The following NRXN3 variants were observed in gnomAD, a reference collection of about 807,000 sequenced individuals.
NRXN3 encodes the protein neurexin 3.
In NRXN3, 32 loss-of-function variants were observed where a neutral mutation model predicts 137.6. The observed-to-expected ratio is 0.23, with a 90% confidence interval of 0.18 to 0.31. The LOEUF is 0.31. NRXN3 is among the 10% of genes least tolerant of loss of function. The pLI is 1.00. For missense variants in NRXN3, 1,574 were observed against 2,062.5 expected (o/e 0.76, Z 4.59); for synonymous variants, 798 against 784.5 (o/e 1.02, Z -0.29).
At chr14:78,600,375 C>A (rs140695867) in intron 4 of NRXN3, among the ~76,000 whole-genome samples, 1,661 of 152,228 alleles carry the variant, frequency 0.011, 13 homozygotes, top group South Asian at 0.026. Context: ...GTCATAAAGT[C>A]AAAAATGTGT....
At chr14:78,520,870 G>A (rs1280339748) in intron 4 of NRXN3, among the ~76,000 whole-genome samples, 2 of 152,126 alleles carry the variant, frequency 1.3e-5, no homozygotes, top group Non-Finnish European at 2.9e-5. Context: ...GACCCTAGGG[G>A]GCAGAGGAGG....
intron 4 of NRXN3, among the ~76,000 whole-genome samples, chr14:78,498,952 CAT>C (rs2095837013): frequency 6.6e-6 from 1 of 151,880 alleles, no homozygotes; most frequent in Non-Finnish European, 1.5e-5. Flanking sequence ...TTTTATTGGT[CAT>C]GTTACCTTGG....
intron 17 of NRXN3, among the ~76,000 whole-genome samples, chr14:79,683,933 G>A (rs1219232046): frequency 2.0e-5 from 3 of 152,164 alleles, no homozygotes; most frequent in African/African-American, 4.8e-5. Flanking sequence ...GTTTTACTCT[G>A]TAGAATCAAG....
intron 17 of NRXN3, among the ~76,000 whole-genome samples, chr14:79,684,448 A>G (rs1453295661): frequency 2.0e-5 from 3 of 152,188 alleles, no homozygotes; most frequent in Admixed American, 2.0e-4. Context: ...TTTTGGGAAT[A>G]ATAAATTCAT....
intron 15 of NRXN3, among the ~76,000 whole-genome samples, chr14:79,195,137 C>T (rs1412712980): frequency 6.6e-6 from 1 of 152,084 alleles, no homozygotes; most frequent in African/African-American, 2.4e-5. Flanking sequence ...GGCTTCCTCT[C>T]CTCAGAGCAT....
chr14:79,711,464 TTTATTTC>T (rs1406128967), intron 19 of NRXN3, among the ~76,000 whole-genome samples: 6 of 149,408 alleles, frequency 4.0e-5, no homozygotes, highest in African/African-American at 1.5e-4. Context: ...TGTATATATA[TTTATTTC>T]TTATTTATTT....
intron 15 of NRXN3, among the ~76,000 whole-genome samples, chr14:79,093,905 T>C (rs28452756): frequency 6.9e-6 from 1 of 145,096 alleles, no homozygotes; most frequent in African/African-American, 2.5e-5. Flanking sequence ...ATTTTTTTTT[T>C]CTTTTTTCTT....
At chr14:78,178,660 A>G (rs1455568678) in intron 1 of NRXN3, among the ~76,000 whole-genome samples, 1 of 152,124 alleles carries the variant, frequency 6.6e-6, no homozygotes, top group African/African-American at 2.4e-5. Flanking sequence ...ATTATCCAGC[A>G]CCTGCTTTGA....
At chr14:79,139,213 T>A (rs140401831) in intron 15 of NRXN3, among the ~76,000 whole-genome samples, 2 of 152,320 alleles carry the variant, frequency 1.3e-5, no homozygotes, top group East Asian at 3.9e-4. Context: ...TGATGACTGG[T>A]CTCCATGAAT....
intron 4 of NRXN3, among the ~76,000 whole-genome samples, chr14:78,494,739 T>C (rs139132847): frequency 6.5e-4 from 99 of 152,292 alleles, no homozygotes; most frequent in African/African-American, 2.3e-3. Context: ...ATGAAGTACA[T>C]GAATAAATCG....
At chr14:79,234,596 G>A (rs1193842939) in intron 15 of NRXN3, among the ~76,000 whole-genome samples, 1 of 151,324 alleles carries the variant, frequency 6.6e-6, no homozygotes, top group African/African-American at 2.4e-5. Context: ...TGTTGGCCAG[G>A]ATGGTCTCAA....
At chr14:78,874,112 C>T (rs200501317) in intron 10 of NRXN3, among the ~76,000 whole-genome samples, 1 of 151,812 alleles carries the variant, frequency 6.6e-6, no homozygotes, top group East Asian at 1.9e-4. Context: ...GCTGGGATTA[C>T]AGGAATGCAC....
rs916670234 is a variant in NRXN3 at position 79,770,532 on chromosome 14, C to T, written c.4015-34580C>T. Among the ~76,000 whole-genome samples, 87 of 143,310 alleles carry T rather than the reference C, an allele frequency of 6.1e-4. 1 individual carries two copies. The highest frequency in any genetic ancestry group is 2.2e-3 in the African/African-American group (83 of 38,140). 94.0% of individuals were successfully genotyped at this position (143,310 alleles called of 152,430 possible). ...CCTGCTCCTGAATGACTACTGGGTA[C>T]ATAACGAAATGAAGGCAGAAATAAA... On this transcript the variant is annotated intron_variant, in intron 19 of 20. Transcript: ENST00000335750.
intron 15 of NRXN3, among the ~76,000 whole-genome samples, chr14:79,359,712 C>G (rs566330802): frequency 1.3e-5 from 2 of 151,716 alleles, no homozygotes; most frequent in African/African-American, 4.8e-5. Context: ...CTGGGATTAC[C>G]GGTGTGTGCC....
chr14:79,249,784 A>G (rs2153370877), intron 15 of NRXN3, among the ~76,000 whole-genome samples: 1 of 152,346 alleles, frequency 6.6e-6, no homozygotes, highest in East Asian at 1.9e-4. Context: ...TCTAGTGGGC[A>G]GAGAAGGAAA....
chr14:78,350,861 C>T (rs1413437865), intron 4 of NRXN3, among the ~76,000 whole-genome samples: 1 of 152,076 alleles, frequency 6.6e-6, no homozygotes, highest in East Asian at 1.9e-4. Context: ...CTTCTGAAAA[C>T]ATTAAAATAG....
At chr14:78,934,224 C>T (rs921286808) in intron 10 of NRXN3, among the ~76,000 whole-genome samples, 9 of 151,622 alleles carry the variant, frequency 5.9e-5, no homozygotes, top group South Asian at 2.1e-4. Flanking sequence ...GAATAGAGAC[C>T]CTGCTAAATG....
chr14:79,664,095 A>T, intron 17 of NRXN3, 146 bp downstream of exon 17: 1 of 842,030 alleles, frequency 1.2e-6, no homozygotes, highest in Non-Finnish European at 1.9e-6. Context: ...AAGATAAGTC[A>T]TCTCTTTAGG....
At chr14:78,827,657 G>T (rs2098970722) in intron 10 of NRXN3, among the ~76,000 whole-genome samples, 1 of 152,160 alleles carries the variant, frequency 6.6e-6, no homozygotes, top group Admixed American at 6.5e-5. Flanking sequence ...AATTTGTGTA[G>T]GCTACCACTG....
Sources: allele counts gnomAD v4.1 joint callset (sites outside exome capture counted in the v4.1 genomes callset), GRCh38; gene constraint gnomAD v4.1.1; transcripts MANE v1.5; gene names NCBI Gene and HGNC (gene_info 2026-07-23, HGNC 2026-07-21).